Variants in PRKN observed in about 807,000 individuals in gnomAD.
The protein encoded by PRKN is E3 ubiquitin-protein ligase parkin.
Under a neutral mutation model 59.5 loss-of-function variants are expected in PRKN, and 56 were observed. The observed-to-expected ratio is 0.94, with a 90% CI of 0.76 to 1.18. The LOEUF is 1.18. PRKN is among the 50% of genes most tolerant of loss of function. The probability of loss-of-function intolerance (pLI) is 0.00; values close to 1 mark genes in which losing one functional copy is unlikely to be tolerated. For missense variants in PRKN, 657 were observed against 596.4 expected (o/e 1.10, Z -1.06); for synonymous variants, 250 against 222.1 (o/e 1.13, Z -1.12).
chr6:162,312,835 G>A (rs1782578447), intron 2 of PRKN, among the ~76,000 whole-genome samples: 1 of 152,048 alleles, frequency 6.6e-6, no homozygotes, highest in Non-Finnish European at 1.5e-5. Context: ...TACATCTCTA[G>A]AACTCCTGGA....
intron 6 of PRKN, among the ~76,000 whole-genome samples, chr6:161,907,736 C>T (rs1389868174): frequency 6.6e-6 from 1 of 152,232 alleles, no homozygotes; most frequent in Non-Finnish European, 1.5e-5. Context: ...GACCAAACAG[C>T]GCTCTCAGCA....
intron 6 of PRKN, among the ~76,000 whole-genome samples, chr6:161,929,030 G>A (rs1269865265): frequency 6.6e-6 from 1 of 152,100 alleles, no homozygotes; most frequent in East Asian, 1.9e-4. Flanking sequence ...TATATTCACA[G>A]CAGCAGTATT....
Position 162,410,245 on chromosome 6 carries a change from G to A in PRKN, c.171+33065C>T, listed in dbSNP as rs577756432. Among the ~76,000 whole-genome samples, 66 of 152,030 alleles carry A rather than the reference G, an allele frequency of 4.3e-4. No individual in the cohort carries two copies. The South Asian group carries it at 0.013, about 31-fold the overall frequency. On this transcript the variant is annotated intron_variant, in intron 2 of 11. Transcript: ENST00000366898. Reference sequence around the variant, plus strand: ...CTGGAGATCAATTGGTTTGAGGACTGCTCTGGCCCCCAGGAAGTATTCTTT... The same window carrying A: ...CTGGAGATCAATTGGTTTGAGGACTACTCTGGCCCCCAGGAAGTATTCTTT...
At chr6:161,728,059 C>G (rs962104427) in intron 7 of PRKN, among the ~76,000 whole-genome samples, 1 of 152,030 alleles carries the variant, frequency 6.6e-6, no homozygotes, top group Non-Finnish European at 1.5e-5. Flanking sequence ...TGGGAATTTC[C>G]AAGAGCGAAA....
Position 162,701,868 on chromosome 6 carries a change from C to T in PRKN, c.7+25794G>A, listed in dbSNP as rs865885187. On this transcript the variant is annotated intron_variant, in intron 1 of 11. Coordinates refer to ENST00000366898, the MANE Select transcript of PRKN (RefSeq NM_004562.3). Reference sequence around the variant, plus strand: ...ACACACACTCACATACATACATACACACACACACACACACACACCCCCCCG... The same window carrying T: ...ACACACACTCACATACATACATACATACACACACACACACACACCCCCCCG... Among the ~76,000 whole-genome samples, 603 of 117,754 alleles carry T rather than the reference C, an allele frequency of 5.1e-3. 5 individuals are homozygous for T. The highest frequency in any genetic ancestry group is 0.019 in the African/African-American group (569 of 30,024). The allele number at this position is 117,754 out of a possible 152,430, so 77.3% of individuals were successfully genotyped here.
At chr6:162,647,949 C>CAAAAAAAAAAAAAAAAAAAAAAAAAAAAA (rs398003250) in intron 1 of PRKN, among the ~76,000 whole-genome samples, 1 of 75,650 alleles carries the variant, frequency 1.3e-5, no homozygotes, top group Non-Finnish European at 2.4e-5. Context: ...GTCCACAGTG[C>CAAAAAAAAAAAAAAAAAAAAAAAAAAAAA]AAAAAAAAAA....
chr6:161,367,202 C>T (rs1164989449), intron 10 of PRKN, among the ~76,000 whole-genome samples: 1 of 151,734 alleles, frequency 6.6e-6, no homozygotes, highest in African/African-American at 2.4e-5. Context: ...GGGATGGTCT[C>T]GATCTCCTGA....
intron 5 of PRKN, among the ~76,000 whole-genome samples, chr6:161,988,524 A>G (rs1781524303): frequency 6.6e-6 from 1 of 151,914 alleles, no homozygotes; most frequent in South Asian, 2.1e-4. Flanking sequence ...AAATAAATAA[A>G]AAGAAAAATT....
intron 5 of PRKN, among the ~76,000 whole-genome samples, chr6:161,973,635 C>A (rs965118716): frequency 1.3e-5 from 2 of 152,156 alleles, no homozygotes; most frequent in African/African-American, 4.8e-5. Flanking sequence ...CTCTGCTATT[C>A]TTTTGCTCTT....
chr6:162,285,300 G>T (rs528846333), intron 2 of PRKN, among the ~76,000 whole-genome samples: 1 of 140,274 alleles, frequency 7.1e-6, no homozygotes, highest in Non-Finnish European at 1.5e-5. Flanking sequence ...TTCCGAGAGG[G>T]CCTCTGGCAT....
At chr6:161,996,874 C>T (rs1010631864) in intron 5 of PRKN, among the ~76,000 whole-genome samples, 2 of 151,738 alleles carry the variant, frequency 1.3e-5, no homozygotes, top group East Asian at 1.9e-4. Flanking sequence ...GGAGAAAGCA[C>T]CTAAATCATC....
intron 1 of PRKN, among the ~76,000 whole-genome samples, chr6:162,570,049 C>T (rs1194530889): frequency 6.6e-6 from 1 of 152,172 alleles, no homozygotes; most frequent in African/African-American, 2.4e-5. Flanking sequence ...TATTTGCAAA[C>T]CCTGCCAGGG....
rs1554298361 is a variant in PRKN at position 161,732,485 on chromosome 6, T to TTG, written c.871+53285_871+53286dup. 8.4e-3 allele frequency among the ~76,000 whole-genome samples: 1,236 copies of TTG among 146,474 alleles called. 16 individuals are homozygous for TTG. Among genetic ancestry groups the TTG allele is most frequent in the African/African-American group, 0.029 (1,177 of 39,904 alleles). On this transcript the variant is annotated intron_variant, in intron 7 of 11. Transcript: ENST00000366898. ...GCATTTCTTCAGAGGTTTTTTTTTTTTGTGTGTGTGTGTGTGTGGAGATAA... is the reference window on the plus strand; with the variant it reads ...GCATTTCTTCAGAGGTTTTTTTTTTTTGTGTGTGTGTGTGTGTGTGGAGATAA...
At chr6:162,540,441 T>C (rs1778883734) in intron 1 of PRKN, among the ~76,000 whole-genome samples, 1 of 152,038 alleles carries the variant, frequency 6.6e-6, no homozygotes, top group African/African-American at 2.4e-5. Context: ...GTAGGCAGAA[T>C]ACAATCCTGA....
intron 7 of PRKN, among the ~76,000 whole-genome samples, chr6:161,692,805 T>G (rs1181761737): frequency 6.6e-6 from 1 of 151,870 alleles, no homozygotes; most frequent in Non-Finnish European, 1.5e-5. Context: ...AAAAATTAGC[T>G]GGCATGGTAG....
chr6:162,671,320 GA>G (rs1283114735), intron 1 of PRKN, among the ~76,000 whole-genome samples: 1 of 152,026 alleles, frequency 6.6e-6, no homozygotes, highest in Non-Finnish European at 1.5e-5. Flanking sequence ...CCAACATGGT[GA>G]AACCTCGTCT....
At chr6:162,231,021 G>A (rs1237534761) in intron 3 of PRKN, among the ~76,000 whole-genome samples, 1 of 152,200 alleles carries the variant, frequency 6.6e-6, no homozygotes, top group Admixed American at 6.5e-5. Context: ...TGCTGGAGGT[G>A]CTGAAGGCAT....
At chr6:161,883,923 G>A (rs142257204) in intron 6 of PRKN, among the ~76,000 whole-genome samples, 1,551 of 152,230 alleles carry the variant, frequency 0.01, 24 homozygotes, top group African/African-American at 0.035. Context: ...AAGGTGCTGG[G>A]ATTACAGGCA....
At chr6:162,695,654 C>T (rs997171095) in intron 1 of PRKN, among the ~76,000 whole-genome samples, 5 of 152,252 alleles carry the variant, frequency 3.3e-5, no homozygotes, top group Admixed American at 3.3e-4. Flanking sequence ...TCTACCCATA[C>T]TGTATGTACA....
Sources: allele counts gnomAD v4.1 joint callset (sites outside exome capture counted in the v4.1 genomes callset), GRCh38; gene constraint gnomAD v4.1.1; transcripts MANE v1.5; gene names NCBI Gene and HGNC (gene_info 2026-07-23, HGNC 2026-07-21).